DRC11: variants seen among roughly 807,000 people sequenced by gnomAD.
The protein encoded by DRC11 is IQ and AAA domain-containing protein 1.
the DRC11 span, among the ~76,000 whole-genome samples, chr2:236,457,115 C>A: frequency 1.3e-5 from 2 of 152,188 alleles, no homozygotes; most frequent in South Asian, 2.1e-4. The surrounding 1 kb of genome is among the most constrained non-coding windows in gnomAD (Gnocchi z 4.7). Flanking sequence ...CATCCTGAGA[C>A]CTAGACGGCA....
At chr2:236,443,143 C>T in the DRC11 span, among the ~76,000 whole-genome samples, 3 of 152,088 alleles carry the variant, frequency 2.0e-5, no homozygotes, top group Non-Finnish European at 4.4e-5. This position sits in a 1 kb window ranked among gnomAD's most constrained non-coding sequence, Gnocchi z 4.4. Flanking sequence ...TTACTGCATC[C>T]TCAAGAACAT....
At chr2:236,445,123 C>A in the DRC11 span, among the ~76,000 whole-genome samples, 2 of 152,290 alleles carry the variant, frequency 1.3e-5, no homozygotes, top group African/African-American at 2.4e-5. This position sits in a 1 kb window ranked among gnomAD's most constrained non-coding sequence, Gnocchi z 4.8. Context: ...TTACAAGGAA[C>A]CTCATTGCAT....
At chr2:236,358,157 T>C in the DRC11 span, among the ~76,000 whole-genome samples, 1 of 123,494 alleles carries the variant, frequency 8.1e-6, no homozygotes, top group Non-Finnish European at 1.6e-5. Context: ...AGATATATAC[T>C]ATATGAATAT....
At chr2:236,318,443 A>C in the DRC11 span, among the ~76,000 whole-genome samples, 1 of 152,064 alleles carries the variant, frequency 6.6e-6, no homozygotes, top group East Asian at 1.9e-4. This position sits in a 1 kb window ranked among gnomAD's most constrained non-coding sequence, Gnocchi z 7.0. Context: ...GTGTGAACAC[A>C]TGCATGTGTG....
the DRC11 span, among the ~76,000 whole-genome samples, chr2:236,470,654 T>C: frequency 6.6e-6 from 1 of 152,172 alleles, no homozygotes; most frequent in African/African-American, 2.4e-5. The surrounding 1 kb of genome is among the most constrained non-coding windows in gnomAD (Gnocchi z 5.1). Context: ...GAGTAATATA[T>C]CTATATTTAT....
the DRC11 span, among the ~76,000 whole-genome samples, chr2:236,478,893 C>T: frequency 6.8e-6 from 1 of 147,626 alleles, no homozygotes; most frequent in Non-Finnish European, 1.5e-5. The surrounding 1 kb of genome is among the most constrained non-coding windows in gnomAD (Gnocchi z 5.9). Flanking sequence ...GGTGTGATCT[C>T]GGCTCACTAC....
the DRC11 span, among the ~76,000 whole-genome samples, chr2:236,395,537 C>T: frequency 8.5e-5 from 13 of 152,168 alleles, no homozygotes; most frequent in African/African-American, 2.7e-4. Context: ...GGAGAGTTTA[C>T]GACTCCTGCA....
At chr2:236,397,699 G>A in the DRC11 span, among the ~76,000 whole-genome samples, 7 of 152,350 alleles carry the variant, frequency 4.6e-5, no homozygotes, top group South Asian at 1.4e-3. The surrounding 1 kb of genome is among the most constrained non-coding windows in gnomAD (Gnocchi z 5.0). Context: ...GGATGTTGTT[G>A]CAGACACATA....
At chr2:236,315,204 G>GA in the DRC11 span, among the ~76,000 whole-genome samples, 2 of 152,198 alleles carry the variant, frequency 1.3e-5, no homozygotes, top group Admixed American at 1.3e-4. The surrounding 1 kb of genome is among the most constrained non-coding windows in gnomAD (Gnocchi z 5.1). Context: ...AGAGGGCACT[G>GA]AAAAGCACTG....
At chr2:236,317,414 C>A in the DRC11 span, among the ~76,000 whole-genome samples, 5 of 152,266 alleles carry the variant, frequency 3.3e-5, no homozygotes, top group Admixed American at 3.3e-4. The surrounding 1 kb of genome is among the most constrained non-coding windows in gnomAD (Gnocchi z 5.4). Flanking sequence ...GCCTGCAAGG[C>A]TGCAGGAGTC....
chr2:236,487,691 A>C, the DRC11 span, among the ~76,000 whole-genome samples: 1 of 152,354 alleles, frequency 6.6e-6, no homozygotes, highest in Non-Finnish European at 1.5e-5. Context: ...GTATTCCAAA[A>C]ATCCATTAAG....
chr2:236,342,002 G>A, the DRC11 span, among the ~76,000 whole-genome samples: 1 of 152,200 alleles, frequency 6.6e-6, no homozygotes, highest in African/African-American at 2.4e-5. The surrounding 1 kb of genome is among the most constrained non-coding windows in gnomAD (Gnocchi z 5.8). Context: ...CTGCGCCCGG[G>A]AAGTTTGGCT....
At chr2:236,493,226 G>C in the DRC11 span, among the ~76,000 whole-genome samples, 10 of 152,238 alleles carry the variant, frequency 6.6e-5, no homozygotes, top group African/African-American at 2.4e-4. Flanking sequence ...GAACGGCACA[G>C]GAAAGACCCA....
chr2:236,499,617 TG>T, the DRC11 span, among the ~76,000 whole-genome samples: 7 of 152,056 alleles, frequency 4.6e-5, no homozygotes, highest in African/African-American at 1.7e-4. The surrounding 1 kb of genome is among the most constrained non-coding windows in gnomAD (Gnocchi z 4.7). Flanking sequence ...TTAGTAGAGA[TG>T]GGGGTTTCAC....
At chr2:236,506,164 G>A in the DRC11 span, among the ~76,000 whole-genome samples, 14 of 152,114 alleles carry the variant, frequency 9.2e-5, no homozygotes, top group African/African-American at 2.9e-4. This position sits in a 1 kb window ranked among gnomAD's most constrained non-coding sequence, Gnocchi z 4.9. Context: ...TCTTCCACTC[G>A]CTTCTTCCTC....
the DRC11 span, among the ~76,000 whole-genome samples, chr2:236,464,629 A>AGG: frequency 1.3e-5 from 2 of 152,162 alleles, no homozygotes; most frequent in Non-Finnish European, 2.9e-5. Context: ...TGTCTCCAAA[A>AGG]CTACCTATCT....
chr2:236,448,673 C>A, the DRC11 span, among the ~76,000 whole-genome samples: 1 of 151,898 alleles, frequency 6.6e-6, no homozygotes, highest in Non-Finnish European at 1.5e-5. This position sits in a 1 kb window ranked among gnomAD's most constrained non-coding sequence, Gnocchi z 5.3. Flanking sequence ...AGGACACAGG[C>A]TCTGAGGAGG....
chr2:236,371,612 T>C, the DRC11 span, among the ~76,000 whole-genome samples: 1 of 152,190 alleles, frequency 6.6e-6, no homozygotes, highest in Non-Finnish European at 1.5e-5. This position sits in a 1 kb window ranked among gnomAD's most constrained non-coding sequence, Gnocchi z 5.1. Flanking sequence ...GCCCTCACCT[T>C]GTCCTGGTTT....
chr2:236,366,678 T>C, the DRC11 span, among the ~76,000 whole-genome samples: 3 of 152,034 alleles, frequency 2.0e-5, no homozygotes, highest in Non-Finnish European at 4.4e-5. Context: ...TACCACCTTG[T>C]ATCCTTTGCA....
Sources: gnomAD v4.1 joint callset for allele counts (sites outside exome capture counted in the v4.1 genomes callset) on GRCh38, gnomAD v4.1.1 for gene constraint, Gnocchi (gnomAD v3.1) non-coding constraint, MANE v1.5 for transcripts, NCBI Gene and HGNC (gene_info 2026-07-23, HGNC 2026-07-21) for gene names.